The following NR3C2 variants were observed in gnomAD, a reference collection of about 807,000 sequenced individuals.
The protein encoded by NR3C2 is mineralocorticoid receptor.
A neutral mutation model predicts 86.4 loss-of-function variants in NR3C2; 15 were observed. That is an observed-to-expected ratio of 0.17 (90% CI 0.12 to 0.27). The LOEUF (loss-of-function observed/expected upper bound fraction) is 0.27. Among genes scored for constraint, NR3C2 ranks in the 10% least tolerant of loss-of-function variants. The pLI, the probability that NR3C2 is intolerant of heterozygous loss-of-function variation, is 1.00. For missense variants in NR3C2, 960 were observed against 1,195.6 expected (o/e 0.80, Z 2.91); for synonymous variants, 458 against 450.5 (o/e 1.02, Z -0.21).
intron 3 of NR3C2, among the ~76,000 whole-genome samples, chr4:148,218,461 T>C (rs1474002240): frequency 1.3e-5 from 2 of 152,218 alleles, no homozygotes; most frequent in African/African-American, 2.4e-5. Context: ...CATATTCACC[T>C]AGTGGTTTTA....
upstream of NR3C2, among the ~76,000 whole-genome samples, chr4:148,443,737 G>C (rs547179782): frequency 1.3e-5 from 2 of 151,914 alleles, no homozygotes; most frequent in South Asian, 4.2e-4. Context: ...GGCGGCAGCT[G>C]TGCGGCCTCC....
rs61761543 is a variant in NR3C2, at chr4:148,358,034, A to G, written c.1757+77070T>C. ...AAGGTAAATCCCTTATTAAAATGCC[A>G]TATCTCACCATTGTGGAAGTCAGTG... On this transcript the variant is annotated intron_variant, in intron 2 of 8. Transcript: ENST00000358102. Among the ~76,000 whole-genome samples the G allele has an allele frequency of 4.3e-3, 649 of 152,296 alleles. 5 individuals are homozygous for G. The highest frequency in any genetic ancestry group is 8.6e-3 in the African/African-American group (357 of 41,580).
intron 2 of NR3C2, among the ~76,000 whole-genome samples, chr4:148,280,808 A>T (rs983063393): frequency 1.3e-5 from 2 of 152,160 alleles, no homozygotes; most frequent in African/African-American, 4.8e-5. Context: ...ACCTAGCCTA[A>T]TTCCGTTTTA....
At chr4:148,400,680 A>G (rs1426294534) in intron 2 of NR3C2, among the ~76,000 whole-genome samples, 1 of 150,888 alleles carries the variant, frequency 6.6e-6, no homozygotes, top group Non-Finnish European at 1.5e-5. Context: ...TCGGGAGAAT[A>G]GGCAGGAGAA....
chr4:148,187,889 T>G (rs1475412104), intron 4 of NR3C2, among the ~76,000 whole-genome samples: 1 of 152,200 alleles, frequency 6.6e-6, no homozygotes, highest in Non-Finnish European at 1.5e-5. Context: ...CTTGAGTTGA[T>G]TTTTGTATAA....
intron 2 of NR3C2, among the ~76,000 whole-genome samples, chr4:148,260,503 T>C (rs943774944): frequency 6.6e-6 from 1 of 152,196 alleles, no homozygotes; most frequent in Non-Finnish European, 1.5e-5. Flanking sequence ...AAAGAGCTAT[T>C]ATAATATTAC....
rs151222802 is a variant in NR3C2 at position 148,326,333 on chromosome 4, G to A, written c.1758-66216C>T. ...GGATAATGTCATGAACCCAGGAGGC[G>A]GAGCCTGCAGTGAACTGAGATCATG... On this transcript the variant is annotated intron_variant, in intron 2 of 8. Transcript: ENST00000358102. Among the ~76,000 whole-genome samples the A allele has an allele frequency of 4.1e-3, 626 of 152,000 alleles. 3 individuals carry two copies. Among genetic ancestry groups the A allele is most frequent in the Admixed American group, 8.8e-3 (134 of 15,292 alleles).
At chr4:148,248,196 G>C (rs888806788) in intron 3 of NR3C2, among the ~76,000 whole-genome samples, 2 of 152,178 alleles carry the variant, frequency 1.3e-5, no homozygotes, top group Non-Finnish European at 2.9e-5. Flanking sequence ...CTTGGAAACA[G>C]TGATTTTTAT....
At chr4:148,112,783 C>T in intron 8 of NR3C2, among the ~76,000 whole-genome samples, 1 of 152,252 alleles carries the variant, frequency 6.6e-6, no homozygotes. Flanking sequence ...CCATTAGTTA[C>T]CACAGAGAGA....
intron 2 of NR3C2, among the ~76,000 whole-genome samples, chr4:148,318,174 T>C (rs2149947437): frequency 6.6e-6 from 1 of 151,834 alleles, no homozygotes; most frequent in Non-Finnish European, 1.5e-5. Context: ...TGATTTCCAA[T>C]TTCATCCATG....
At chr4:148,130,893 G>C (rs940797052) in intron 6 of NR3C2, among the ~76,000 whole-genome samples, 7 of 142,860 alleles carry the variant, frequency 4.9e-5, no homozygotes, top group African/African-American at 1.8e-4. Flanking sequence ...GCACGATCTC[G>C]GCTCACTGCA....
At chr4:148,364,756 T>C (rs981435224) in intron 2 of NR3C2, among the ~76,000 whole-genome samples, 1 of 152,026 alleles carries the variant, frequency 6.6e-6, no homozygotes, top group African/African-American at 2.4e-5. Flanking sequence ...CACAGTGAGA[T>C]GACTGGTTGA....
chr4:148,085,412 AAGGT>A (rs1382621808), intron 8 of NR3C2, among the ~76,000 whole-genome samples: 1 of 152,234 alleles, frequency 6.6e-6, no homozygotes, highest in African/African-American at 2.4e-5. Flanking sequence ...TAATGAAATT[AAGGT>A]AGAAATAAAT....
chr4:148,257,444 T>C (rs866627663), intron 3 of NR3C2, among the ~76,000 whole-genome samples: 20 of 152,176 alleles, frequency 1.3e-4, no homozygotes, highest in Non-Finnish European at 2.5e-4. Context: ...TTATGAGATT[T>C]AGAATCCAGA....
chr4:148,216,863 A>G (rs996484108), intron 3 of NR3C2, among the ~76,000 whole-genome samples: 1 of 152,182 alleles, frequency 6.6e-6, no homozygotes, highest in African/African-American at 2.4e-5. Flanking sequence ...AACCAGAGGT[A>G]CGGTCTCCAA....
chr4:148,154,813 C>T lies in NR3C2; in HGVS notation c.2103G>A (p.Pro701=), dbSNP rs751068294. 3.0e-4 allele frequency: 47 copies of T among 155,698 alleles called. No individual in the cohort carries two copies. The highest frequency in any genetic ancestry group is 5.2e-4 in the African/African-American group (2 of 3,880). The allele number at this position is 155,698 out of a possible 1,614,324, so 9.6% of individuals were successfully genotyped here. A position where few individuals can be genotyped will look rare whatever the true frequency, so the allele number is the denominator to read the frequency against. The change falls in exon 5 of 9, where the codon CCG becomes CCA. Residue 701 remains proline, a synonymous_variant. Transcript: ENST00000358102. The part of the protein sequence containing the change: ...QQQPPPPPPP[P]QSPEEGTTYI... ...ACGTTGTCCCTTCCTCTGGGCTTTG[C>T]GGGGGTGGGGGTGGGGGTGGGGGCT...
At chr4:148,326,380 G>A (rs1396029050) in intron 2 of NR3C2, among the ~76,000 whole-genome samples, 2 of 152,012 alleles carry the variant, frequency 1.3e-5, no homozygotes, top group South Asian at 2.1e-4. Flanking sequence ...CAGCCTGGAC[G>A]ACAGAGCGAG....
intron 2 of NR3C2, among the ~76,000 whole-genome samples, chr4:148,338,014 A>G (rs1049107971): frequency 1.3e-4 from 20 of 152,170 alleles, no homozygotes; most frequent in African/African-American, 4.8e-4. Flanking sequence ...TACATACCTA[A>G]GTTTTTCCCT....
chr4:148,308,601 T>C (rs192801002), intron 2 of NR3C2, among the ~76,000 whole-genome samples: 130 of 151,940 alleles, frequency 8.6e-4, no homozygotes, highest in Non-Finnish European at 1.6e-3. Flanking sequence ...AAGGGGGCAA[T>C]TGGGGAGAGA....
Sources: allele counts gnomAD v4.1 joint callset (sites outside exome capture counted in the v4.1 genomes callset), GRCh38; gene constraint gnomAD v4.1.1; transcripts MANE v1.5; gene names NCBI Gene and HGNC (gene_info 2026-07-23, HGNC 2026-07-21).